MYO3A: variants seen among roughly 807,000 people sequenced by gnomAD.
The protein encoded by MYO3A is myosin IIIA.
MYO3A carries 180 observed loss-of-function variants against 192.7 expected under a neutral mutation model. The ratio of observed to expected loss-of-function variants is 0.93; its 90% CI spans 0.83 to 1.06. The LOEUF (loss-of-function observed/expected upper bound fraction) is 1.06, where lower values mean the gene tolerates loss of function less well. Among genes scored for constraint, MYO3A ranks in the 50% least tolerant of loss-of-function variants. The pLI is 0.00. For synonymous variants in MYO3A, 628 were observed against 645.3 expected (o/e 0.97, Z 0.41); for missense variants, 1,896 against 1,905.0 (o/e 1.00, Z 0.09).
At chr10:26,112,787 ATC>A (rs1373737940) in intron 17 of MYO3A, among the ~76,000 whole-genome samples, 1 of 152,240 alleles carries the variant, frequency 6.6e-6, no homozygotes, top group African/African-American at 2.4e-5. Flanking sequence ...CCAATTAGAA[ATC>A]TCTGAAACCG....
intron 6 of MYO3A, among the ~76,000 whole-genome samples, chr10:25,997,961 A>G (rs1240735335): frequency 6.6e-6 from 1 of 152,248 alleles, no homozygotes; most frequent in Non-Finnish European, 1.5e-5. Context: ...GTAATCCTGA[A>G]GATGTCTCAG....
At chr10:26,136,836 A>G (rs867355563) in intron 20 of MYO3A, among the ~76,000 whole-genome samples, 26 of 152,308 alleles carry the variant, frequency 1.7e-4, no homozygotes, top group African/African-American at 5.8e-4. Flanking sequence ...CCTGGCCAAC[A>G]TGGTGAAACT....
intron 10 of MYO3A, among the ~76,000 whole-genome samples, chr10:26,047,581 G>A (rs1344642204): frequency 6.6e-6 from 1 of 152,004 alleles, no homozygotes; most frequent in East Asian, 1.9e-4. Context: ...AGACCATCCT[G>A]GCTAACACGG....
chr10:26,086,814 A>T (rs931235781), intron 14 of MYO3A, among the ~76,000 whole-genome samples: 16 of 152,042 alleles, frequency 1.1e-4, no homozygotes, highest in African/African-American at 3.9e-4. Flanking sequence ...GGAGCTGAAC[A>T]CTTGAATGAA....
chr10:26,075,709 C>CTCTCTCATATATATGATATATATATG (rs1835509523), intron 14 of MYO3A, among the ~76,000 whole-genome samples: 2 of 140,798 alleles, frequency 1.4e-5, no homozygotes, highest in Admixed American at 1.4e-4. Flanking sequence ...ATATATATGT[C>CTCTCTCATATATATGATATATATATG]TCTCTCATAT....
chr10:25,940,180 C>T (rs1836388884), intron 2 of MYO3A, among the ~76,000 whole-genome samples: 1 of 151,958 alleles, frequency 6.6e-6, no homozygotes, highest in Non-Finnish European at 1.5e-5. Context: ...ATTGTGGTTA[C>T]TGGTATATTA....
rs1838817329 is a variant in MYO3A, at chr10:26,120,807, G to A, written c.1903+5G>A. 6.2e-7 allele frequency: 1 copy of A among 1,613,930 alleles called. No individual in the cohort carries two copies. The highest frequency in any genetic ancestry group is 1.1e-5 in the South Asian group (1 of 91,074). The stretch of plus-strand genomic sequence containing the variant: ...ATCATACAGCCCTGGAGAACTGTAA[G>A]TTTTATTACCTTCTATTCAAAACTG... On this transcript the variant is annotated splice_donor_5th_base_variant and intron_variant, in intron 18 of 34. Coordinates refer to ENST00000642920, the MANE Select transcript of MYO3A (RefSeq NM_017433.5).
Position 26,147,483 on chromosome 10 carries a change from T to A in MYO3A, c.2559T>A (p.Thr853=), listed in dbSNP as rs545304731. 1 of 1,613,970 alleles carries A rather than the reference T, an allele frequency of 6.2e-7. No homozygotes were observed. The highest frequency in any genetic ancestry group is 1.3e-5 in the African/African-American group (1 of 75,034). ...FLAKNRDTLP[T]DIVLLLRSSD... ...CCAAAAACAGAGACACTCTTCCTACTGACATTGTGCTACTTTTGAGGTCAT... is the reference window on the plus strand; with the variant it reads ...CCAAAAACAGAGACACTCTTCCTACAGACATTGTGCTACTTTTGAGGTCAT... Residue 853 remains threonine (T), a synonymous_variant, in exon 23 of 35, where the codon ACT becomes ACA. Transcript: ENST00000642920.
intron 10 of MYO3A, among the ~76,000 whole-genome samples, chr10:26,047,854 C>T (rs186216340): frequency 7.9e-5 from 12 of 151,758 alleles, no homozygotes; most frequent in Admixed American, 5.2e-4. Flanking sequence ...CATAGGAGGC[C>T]GGACACTGAG....
At chr10:25,978,546 C>T (rs753569857) in intron 4 of MYO3A, among the ~76,000 whole-genome samples, 3 of 152,142 alleles carry the variant, frequency 2.0e-5, no homozygotes, top group Non-Finnish European at 4.4e-5. Flanking sequence ...TCTTCCACAA[C>T]ACATGGAAAT....
At chr10:26,033,083 T>A (rs1273426780) in intron 10 of MYO3A, among the ~76,000 whole-genome samples, 1 of 152,152 alleles carries the variant, frequency 6.6e-6, no homozygotes, top group African/African-American at 2.4e-5. Context: ...TTATTTTATT[T>A]ATTTTTTTGA....
chr10:26,101,410 T>C (rs1837444781), intron 17 of MYO3A, among the ~76,000 whole-genome samples: 1 of 152,242 alleles, frequency 6.6e-6, no homozygotes, highest in Admixed American at 6.5e-5. Flanking sequence ...AAAGTTAATA[T>C]TGTTATGTGT....
intron 20 of MYO3A, among the ~76,000 whole-genome samples, chr10:26,141,425 G>A (rs1840159899): frequency 6.6e-6 from 1 of 151,832 alleles, no homozygotes; most frequent in Non-Finnish European, 1.5e-5. Context: ...TCCTTGGTTT[G>A]CCTGAAGTCC....
intron 4 of MYO3A, among the ~76,000 whole-genome samples, chr10:25,965,708 C>G (rs1316871837): frequency 6.6e-6 from 1 of 152,056 alleles, no homozygotes; most frequent in Non-Finnish European, 1.5e-5. Flanking sequence ...GGTTTGCAGG[C>G]ACTCAAGTTC....
intron 4 of MYO3A, among the ~76,000 whole-genome samples, chr10:25,979,437 C>T (rs1331100390): frequency 6.8e-6 from 1 of 147,748 alleles, no homozygotes; most frequent in Non-Finnish European, 1.5e-5. Context: ...AAAACAGTGA[C>T]CATACAGAAA....
intron 14 of MYO3A, among the ~76,000 whole-genome samples, chr10:26,080,953 G>T: frequency 6.6e-6 from 1 of 152,124 alleles, no homozygotes. Context: ...TCTGGTGGAG[G>T]TAGTAGGGGG....
intron 8 of MYO3A, among the ~76,000 whole-genome samples, chr10:26,023,794 A>T (rs117462409): frequency 6.6e-6 from 1 of 152,372 alleles, no homozygotes; most frequent in East Asian, 1.9e-4. Flanking sequence ...AAATAATAAC[A>T]GTTGGAAAAA....
At chr10:26,005,594 A>T (rs984581344) in intron 6 of MYO3A, among the ~76,000 whole-genome samples, 1 of 152,156 alleles carries the variant, frequency 6.6e-6, no homozygotes, top group Non-Finnish European at 1.5e-5. Flanking sequence ...AAGGGGCATT[A>T]TGTAGCCCAC....
rs535075977 is a variant in MYO3A, at chr10:25,982,631, G to A, written c.304-13859G>A. ...TCACATTACAGAACTCTTTGCAGAC[G>A]CTCCTCAGTACTAACCCAGAGCCTG... On this transcript the variant is annotated intron_variant, in intron 4 of 34. Coordinates refer to ENST00000642920, the MANE Select transcript of MYO3A (RefSeq NM_017433.5). Among the ~76,000 whole-genome samples, 15 of 152,248 alleles carry A rather than the reference G, an allele frequency of 9.9e-5. No homozygotes were observed. The East Asian group carries it at 2.3e-3, about 24-fold the overall frequency.
Sources: gnomAD v4.1 joint callset for allele counts (sites outside exome capture counted in the v4.1 genomes callset) on GRCh38, gnomAD v4.1.1 for gene constraint, MANE v1.5 for transcripts, NCBI Gene and HGNC (gene_info 2026-07-23, HGNC 2026-07-21) for gene names.